SVEP1: variants seen among roughly 807,000 people sequenced by gnomAD.
SVEP1 encodes the protein sushi, von Willebrand factor type A, EGF and pentraxin domain-containing protein 1.
Under a neutral mutation model 367.3 loss-of-function variants are expected in SVEP1, and 164 were observed. The ratio of observed to expected loss-of-function variants is 0.45; its 90% CI spans 0.39 to 0.51. The LOEUF (loss-of-function observed/expected upper bound fraction) is 0.51. SVEP1 is among the 20% of genes least tolerant of loss of function. SVEP1 has a pLI of 0.00. For synonymous variants in SVEP1, 1,666 were observed against 1,611.6 expected (o/e 1.03, Z -0.81); for missense variants, 4,117 against 4,425.3 (o/e 0.93, Z 1.98).
At chr9:110,553,796 G>A (rs3010820) in intron 1 of SVEP1, among the ~76,000 whole-genome samples, 15,861 of 152,088 alleles carry the variant, frequency 0.1, 1,017 homozygotes, top group East Asian at 0.31. Flanking sequence ...ATAAATATTT[G>A]TCACTAAGGA....
intron 6 of SVEP1, among the ~76,000 whole-genome samples, chr9:110,501,370 CAT>C (rs993233951): frequency 6.6e-6 from 1 of 150,672 alleles, no homozygotes; most frequent in African/African-American, 2.4e-5. Context: ...TATTTTACCA[CAT>C]GTTCTGTTTA....
At chr9:110,373,500 A>G (rs1407293581) in intron 46 of SVEP1, among the ~76,000 whole-genome samples, 1 of 152,154 alleles carries the variant, frequency 6.6e-6, no homozygotes. Context: ...CTCTGGTGTT[A>G]GGAAGCCCTG....
intron 6 of SVEP1, 122 bp from the exon 7 acceptor site, chr9:110,499,360 A>G: frequency 1.2e-6 from 1 of 818,514 alleles, no homozygotes; most frequent in Non-Finnish European, 1.9e-6. Context: ...TTGCTAAATG[A>G]TAACTATATA....
chr9:110,482,274 G>A, intron 11 of SVEP1, 87 bp downstream of exon 11: 1 of 1,366,648 alleles, frequency 7.3e-7, no homozygotes, highest in Non-Finnish European at 9.6e-7. Flanking sequence ...AATGCTCATA[G>A]CCTATTTTCT....
intron 36 of SVEP1, among the ~76,000 whole-genome samples, chr9:110,426,802 A>G (rs1159647441): frequency 6.6e-6 from 1 of 152,160 alleles, no homozygotes; most frequent in Non-Finnish European, 1.5e-5. Flanking sequence ...AAATGAGACA[A>G]TGAGTCTGAA....
chr9:110,528,124 A>G (rs1283941372), intron 3 of SVEP1, among the ~76,000 whole-genome samples: 1 of 130,416 alleles, frequency 7.7e-6, no homozygotes, highest in Non-Finnish European at 1.7e-5. Flanking sequence ...ATATACATAC[A>G]TACACACGTG....
Position 110,466,803 on chromosome 9 carries a change from C to A in SVEP1, c.3161-777G>T, listed in dbSNP as rs192265761. On this transcript the variant is annotated intron_variant, in intron 17 of 47. Transcript: ENST00000374469. ...AGAACTGGCTGCTCTAAATAAGAAC[C>A]GGCTCTGCTACCTCCTCCTACCTAG... is the stretch of plus-strand genomic sequence containing the variant. Among the ~76,000 whole-genome samples the A allele has an allele frequency of 3.3e-5, 5 of 150,588 alleles. No homozygotes were observed. The East Asian group carries it at 7.8e-4, about 24-fold the overall frequency.
intron 14 of SVEP1, among the ~76,000 whole-genome samples, chr9:110,473,716 T>A (rs547733342): frequency 1.3e-5 from 2 of 152,268 alleles, no homozygotes; most frequent in South Asian, 4.1e-4. Flanking sequence ...AGAAGATACA[T>A]CCCAATTTCA....
chr9:110,553,114 T>G (rs1830312311), intron 1 of SVEP1, among the ~76,000 whole-genome samples: 1 of 152,176 alleles, frequency 6.6e-6, no homozygotes, highest in South Asian at 2.1e-4. Context: ...TGACTATTGA[T>G]GAGACAACTG....
At chr9:110,411,872 T>C (rs1828049661) in intron 36 of SVEP1, 137 bp from the exon 37 acceptor site, 1 of 807,050 alleles carries the variant, frequency 1.2e-6, no homozygotes, top group African/African-American at 1.7e-5. Flanking sequence ...CTTTGAATAC[T>C]GAGCTTATTG....
At chr9:110,520,858 A>T (rs1446945858) in intron 3 of SVEP1, among the ~76,000 whole-genome samples, 1 of 152,222 alleles carries the variant, frequency 6.6e-6, no homozygotes, top group Admixed American at 6.5e-5. Flanking sequence ...GTTTTAGGGC[A>T]GTTGCATGAG....
At chr9:110,412,205 T>C (rs1828054877) in intron 36 of SVEP1, among the ~76,000 whole-genome samples, 1 of 152,238 alleles carries the variant, frequency 6.6e-6, no homozygotes, top group African/African-American at 2.4e-5. Flanking sequence ...TTAGATGGTT[T>C]TAACTTGATT....
chr9:110,463,115 T>C (rs1828883915), intron 18 of SVEP1, among the ~76,000 whole-genome samples: 1 of 152,088 alleles, frequency 6.6e-6, no homozygotes, highest in Non-Finnish European at 1.5e-5. Context: ...AATGACTTCC[T>C]GAGCCTCCTT....
chr9:110,447,915 CA>C (rs1175820152), intron 24 of SVEP1, among the ~76,000 whole-genome samples: 1 of 151,698 alleles, frequency 6.6e-6, no homozygotes, highest in Non-Finnish European at 1.5e-5. Flanking sequence ...AAACCAAAGC[CA>C]AATGTAACCT....
Position 110,375,378 on chromosome 9 carries a change from G to A in SVEP1, c.10590C>T (p.Arg3530=). 1 of 1,530,656 alleles carries A rather than the reference G, an allele frequency of 6.5e-7. No homozygotes were observed. The highest frequency in any genetic ancestry group is 1.2e-5 in the South Asian group (1 of 83,516). 94.8% of individuals were successfully genotyped at this position (1,530,656 alleles called of 1,614,324 possible). A position where few individuals can be genotyped will look rare whatever the true frequency, so the allele number is the denominator to read the frequency against. Reference sequence around the variant, plus strand: ...ATGAAAGAGGCCTACCTGTATGACAGCGAGACCCCGTCCAGCCAGGCGGGC... The same window carrying A: ...ATGAAAGAGGCCTACCTGTATGACAACGAGACCCCGTCCAGCCAGGCGGGC... ...CDCPPGWTGS[R]CHTAVCQSPC... The change falls in exon 46 of 48, where the codon CGC becomes CGT. Residue 3530 remains arginine (R), a synonymous_variant. Coordinates refer to ENST00000374469, the MANE Select transcript of SVEP1 (RefSeq NM_153366.4).
intron 22 of SVEP1, among the ~76,000 whole-genome samples, chr9:110,453,124 G>A (rs1275319375): frequency 6.6e-6 from 1 of 152,024 alleles, no homozygotes; most frequent in Non-Finnish European, 1.5e-5. Flanking sequence ...CCTTTGAAAT[G>A]TTATCAGGAT....
chr9:110,515,839 CTGT>C, intron 3 of SVEP1, among the ~76,000 whole-genome samples: 1 of 152,146 alleles, frequency 6.6e-6, no homozygotes, highest in Non-Finnish European at 1.5e-5. Flanking sequence ...GTCCTAGGGA[CTGT>C]TCTATATATT....
chr9:110,410,140 A>G (rs925362715), intron 37 of SVEP1, among the ~76,000 whole-genome samples: 1 of 152,254 alleles, frequency 6.6e-6, no homozygotes. Flanking sequence ...AGCCTTAAAT[A>G]AAAGGCTTTT....
At chr9:110,375,544 T>C in intron 45 of SVEP1, 81 bp from the exon 46 acceptor site, 1 of 1,283,384 alleles carries the variant, frequency 7.8e-7, no homozygotes, top group Middle Eastern at 2.7e-4. Context: ...TTAGATAGGT[T>C]CAAGGGTTCA....
Sources: gnomAD v4.1 joint callset for allele counts (sites outside exome capture counted in the v4.1 genomes callset) on GRCh38, gnomAD v4.1.1 for gene constraint, MANE v1.5 for transcripts, NCBI Gene and HGNC (gene_info 2026-07-23, HGNC 2026-07-21) for gene names.